Variants in ASB18 observed in about 807,000 individuals in gnomAD.
The protein encoded by ASB18 is ankyrin repeat and SOCS box containing 18, also known as ankyrin repeat and SOCS box protein 18.
A neutral mutation model predicts 33.4 loss-of-function variants in ASB18; 33 were observed. The ratio of observed to expected loss-of-function variants is 0.99; its 90% CI spans 0.75 to 1.32. ASB18 has a LOEUF of 1.32. Among genes scored for constraint, ASB18 ranks in the 40% most tolerant of loss-of-function variants. The probability of loss-of-function intolerance (pLI) is 0.00; values close to 1 mark genes in which losing one functional copy is unlikely to be tolerated. For synonymous variants in ASB18, 295 were observed against 307.6 expected (o/e 0.96, Z 0.43); for missense variants, 694 against 655.5 (o/e 1.06, Z -0.64).
chr2:236,217,424 A>AAATAAATAAAT lies in ASB18; in HGVS notation c.597-2559_597-2558insATTTATTTATT, dbSNP rs1553600513. ...CGAGACTCTGTCTCAAAAAAAAAAA[A>AAATAAATAAAT]AAATAAATCTTGGCACCTTCAACTC... On this transcript the variant is annotated intron_variant, in intron 3 of 5. Coordinates refer to ENST00000409749, the MANE Select transcript of ASB18 (RefSeq NM_212556.4). The surrounding 1 kb of genome is among the most constrained non-coding windows in gnomAD (Gnocchi z 5.2). Among the ~76,000 whole-genome samples, 1 of 150,306 alleles carries AAATAAATAAAT rather than the reference A, an allele frequency of 6.7e-6. No homozygotes were observed. Among genetic ancestry groups the AAATAAATAAAT allele is most frequent in the African/African-American group, 2.5e-5 (1 of 40,404 alleles).
chr2:236,232,722 T>C (rs2060571984), intron 3 of ASB18, among the ~76,000 whole-genome samples: 1 of 151,876 alleles, frequency 6.6e-6, no homozygotes, highest in South Asian at 2.1e-4. Flanking sequence ...TATTAAAGCA[T>C]TAAAGCTCAC....
intron 4 of ASB18, among the ~76,000 whole-genome samples, chr2:236,207,343 T>A (rs1268879497): frequency 1.3e-5 from 2 of 152,258 alleles, no homozygotes; most frequent in Non-Finnish European, 2.9e-5. Flanking sequence ...CCTTTTCATG[T>A]CATTCTATTG....
At position 236,195,661 on chromosome 2, in the gene ASB18, G is replaced by A. The variant is rs1420239867; in HGVS notation, c.1216-604C>T. On this transcript the variant is annotated intron_variant, in intron 5 of 5. Transcript: ENST00000409749. The surrounding 1 kb of genome is among the most constrained non-coding windows in gnomAD (Gnocchi z 5.5). Reference sequence around the variant, plus strand: ...CTCCTGAGTAACTGGCATTACAGGCGCTTGCCACCATGCTTGGGTAATTTC... The same window carrying A: ...CTCCTGAGTAACTGGCATTACAGGCACTTGCCACCATGCTTGGGTAATTTC... 2.0e-5 allele frequency among the ~76,000 whole-genome samples: 3 copies of A among 152,046 alleles called. No homozygotes were observed. The highest frequency in any genetic ancestry group is 7.2e-5 in the African/African-American group (3 of 41,386).
chr2:236,247,980 G>A (rs1189662921), intron 1 of ASB18: 4 of 152,166 alleles, frequency 2.6e-5, no homozygotes, highest in African/African-American at 4.8e-5. Context: ...CTAGGAACAC[G>A]TCAGGGTGGA....
In ASB18 at chr2:236,262,471, C is replaced by A. The variant is rs185219267; in HGVS notation, c.205+1670G>T. On this transcript the variant is annotated intron_variant, in intron 1 of 5. Coordinates refer to ENST00000409749, the MANE Select transcript of ASB18 (RefSeq NM_212556.4). This position sits in a 1 kb window ranked among gnomAD's most constrained non-coding sequence, Gnocchi z 5.2. Reference sequence around the variant, plus strand: ...AGAAGGAGGCTGCTAAACCCAGCAGCGATCTGGCAGGGAGGGCCGGGGAAG... The same window carrying A: ...AGAAGGAGGCTGCTAAACCCAGCAGAGATCTGGCAGGGAGGGCCGGGGAAG... Among the ~76,000 whole-genome samples the A allele has an allele frequency of 1.3e-5, 2 of 152,188 alleles. No individual in the cohort carries two copies. Among genetic ancestry groups the A allele is most frequent in the Non-Finnish European group, 2.9e-5 (2 of 68,038 alleles).
At position 236,241,268 on chromosome 2, in the gene ASB18, G is replaced by A; in HGVS notation, c.328+12C>T. 6.2e-7 allele frequency: 1 copy of A among 1,613,460 alleles called. No individual in the cohort carries two copies. Among genetic ancestry groups the A allele is most frequent in the Admixed American group, 1.7e-5 (1 of 60,008 alleles). ...TAAAAATAAATGACTGAGCTTTAAAGAACAAGGGTACCTGATAGTCCAAAC... is the reference window on the plus strand; with the variant it reads ...TAAAAATAAATGACTGAGCTTTAAAAAACAAGGGTACCTGATAGTCCAAAC... On this transcript the variant is annotated intron_variant, in intron 2 of 5. Transcript: ENST00000409749. The surrounding 1 kb of genome is among the most constrained non-coding windows in gnomAD (Gnocchi z 4.2).
chr2:236,261,396 CTCCTTCAAA>C (rs1173637067), intron 1 of ASB18, among the ~76,000 whole-genome samples: 1 of 152,184 alleles, frequency 6.6e-6, no homozygotes, highest in African/African-American at 2.4e-5. Context: ...CTTTCTCTGC[CTCCTTCAAA>C]TCCTAGTTTC....
chr2:236,255,093 T>A lies in ASB18; in HGVS notation c.205+9048A>T, dbSNP rs530294987. On this transcript the variant is annotated intron_variant, in intron 1 of 5. Transcript: ENST00000409749. The surrounding 1 kb of genome is among the most constrained non-coding windows in gnomAD (Gnocchi z 4.4). ...GAAGCCGAAGCCGCTACGCTTCCTG[T>A]ACAGCCTGCAGAACCGTGAGCCAAT... Among the ~76,000 whole-genome samples, 3 of 152,336 alleles carry A rather than the reference T, an allele frequency of 2.0e-5. No homozygotes were observed. In the South Asian group the frequency reaches 6.2e-4, roughly 32 times the overall value.
chr2:236,241,556 ACGGGAAAGATGGT>A lies in ASB18; in HGVS notation c.206-167_206-155del. 1.2e-6 allele frequency: 1 copy of A among 851,210 alleles called. No individual in the cohort carries two copies. The allele number at this position is 851,210 out of a possible 1,614,324, so 52.7% of individuals were successfully genotyped here. On this transcript the variant is annotated intron_variant, in intron 1 of 5. Coordinates refer to ENST00000409749, the MANE Select transcript of ASB18 (RefSeq NM_212556.4). The surrounding 1 kb of genome is among the most constrained non-coding windows in gnomAD (Gnocchi z 4.2). ...TCGATTTCAGAAGAGTTCTTCAGGA[ACGGGAAAGATGGT>A]CTTATGGAGTGTGAGCTATTTCTAT...
Position 236,264,150 on chromosome 2 carries a change from T to C in ASB18, c.196A>G (p.Met66Val). 6.2e-7 allele frequency: 1 copy of C among 1,613,828 alleles called. No individual in the cohort carries two copies. Residue 66 changes from methionine to valine, a missense_variant, in exon 1 of 6, where the codon ATG becomes GTG. Coordinates refer to ENST00000409749, the MANE Select transcript of ASB18 (RefSeq NM_212556.4). The surrounding 1 kb of genome is among the most constrained non-coding windows in gnomAD (Gnocchi z 5.1). ...KDPSAQLPTG[M>V]LLGDLDHLKP... Reference sequence around the variant, plus strand: ...GGCTCGTTCTGGTTACCTAGCAGCATGCCGGTGGGCAGCTGAGCCGAGGGG... The same window carrying C: ...GGCTCGTTCTGGTTACCTAGCAGCACGCCGGTGGGCAGCTGAGCCGAGGGG...
intron 2 of ASB18, among the ~76,000 whole-genome samples, chr2:236,240,806 G>T (rs2060617957): frequency 6.6e-6 from 1 of 152,218 alleles, no homozygotes; most frequent in Non-Finnish European, 1.5e-5. Context: ...CCAGGAGGAG[G>T]ATCTACAGAG....
chr2:236,204,567 C>T lies in ASB18; in HGVS notation c.1102-8182G>A, dbSNP rs1201350366. Among the ~76,000 whole-genome samples, 1 of 152,220 alleles carries T rather than the reference C, an allele frequency of 6.6e-6. No homozygotes were observed. The highest frequency in any genetic ancestry group is 1.5e-5 in the Non-Finnish European group (1 of 68,040). ...TATCTCCAGGTTGGCCAAATCTCTC[C>T]CTCTCAAACTTTGGGCTTCGATATC... is the stretch of plus-strand genomic sequence containing the variant. On this transcript the variant is annotated intron_variant, in intron 4 of 5. Coordinates refer to ENST00000409749, the MANE Select transcript of ASB18 (RefSeq NM_212556.4). This position sits in a 1 kb window ranked among gnomAD's most constrained non-coding sequence, Gnocchi z 5.1.
rs566280156 is a variant in ASB18, at chr2:236,215,414, G to A, written c.597-548C>T. Among the ~76,000 whole-genome samples, 2 of 152,136 alleles carry A rather than the reference G, an allele frequency of 1.3e-5. No homozygotes were observed. Among genetic ancestry groups the A allele is most frequent in the South Asian group, 4.1e-4 (2 of 4,826 alleles). On this transcript the variant is annotated intron_variant, in intron 3 of 5. Coordinates refer to ENST00000409749, the MANE Select transcript of ASB18 (RefSeq NM_212556.4). The surrounding 1 kb of genome is among the most constrained non-coding windows in gnomAD (Gnocchi z 7.2). ...GCTGGCACCACCCTGTCCTCTGACAGTCCGGGGAGCATTAGGTGGGAAGCA... is the reference window on the plus strand; with the variant it reads ...GCTGGCACCACCCTGTCCTCTGACAATCCGGGGAGCATTAGGTGGGAAGCA...
Position 236,208,233 on chromosome 2 carries a change from G to T in ASB18, c.1101+6129C>A, listed in dbSNP as rs558828215. On this transcript the variant is annotated intron_variant, in intron 4 of 5. Coordinates refer to ENST00000409749, the MANE Select transcript of ASB18 (RefSeq NM_212556.4). This position sits in a 1 kb window ranked among gnomAD's most constrained non-coding sequence, Gnocchi z 7.7. ...CTGGCAGGAGGCCTGGGGCCAGCACGGTCTTCCCAGCCCATCTCGCCAGCC... is the reference window on the plus strand; with the variant it reads ...CTGGCAGGAGGCCTGGGGCCAGCACTGTCTTCCCAGCCCATCTCGCCAGCC... 4.8e-4 allele frequency among the ~76,000 whole-genome samples: 73 copies of T among 152,050 alleles called. No homozygotes were observed. The highest frequency in any genetic ancestry group is 9.6e-4 in the Non-Finnish European group (65 of 68,008).
chr2:236,196,281 T>G lies in ASB18; in HGVS notation c.1206A>C (p.Glu402Asp). 6.5e-7 allele frequency: 1 copy of G among 1,547,136 alleles called. No homozygotes were observed. Among genetic ancestry groups the G allele is most frequent in the African/African-American group, 1.4e-5 (1 of 73,102 alleles). The change falls in exon 5 of 6, where the codon GAA (glutamate) becomes GAC (aspartate). Residue 402 changes from glutamate (E) to aspartate (D), a missense_variant. By Grantham distance (45) the Glu-to-Asp change is conservative. Transcript: ENST00000409749. The surrounding 1 kb of genome is among the most constrained non-coding windows in gnomAD (Gnocchi z 5.6). ...SESWKEVIPE[E>D]VFQMHKPFYQ... Reference sequence around the variant, plus strand: ...AAGGCAGCCCTCTTGCCTGGAATACTTCCTCAGGAATCACTTCCTTCCAGG... The same window carrying G: ...AAGGCAGCCCTCTTGCCTGGAATACGTCCTCAGGAATCACTTCCTTCCAGG...
rs2060466770 is a variant in ASB18 at position 236,213,175 on chromosome 2, G to T, written c.1101+1187C>A. ...CCACTATATTGAAATCATTGCCTTA[G>T]TGGAGCACCACAAGACAATTACCCA... On this transcript the variant is annotated intron_variant, in intron 4 of 5. Coordinates refer to ENST00000409749, the MANE Select transcript of ASB18 (RefSeq NM_212556.4). The surrounding 1 kb of genome is among the most constrained non-coding windows in gnomAD (Gnocchi z 4.8). Among the ~76,000 whole-genome samples the T allele has an allele frequency of 6.8e-6, 1 of 147,896 alleles. No individual in the cohort carries two copies. The highest frequency in any genetic ancestry group is 2.3e-4 in the South Asian group (1 of 4,422).
chr2:236,204,120 G>A lies in ASB18; in HGVS notation c.1102-7735C>T, dbSNP rs1402817597. 2.0e-5 allele frequency among the ~76,000 whole-genome samples: 3 copies of A among 152,088 alleles called. No homozygotes were observed. The highest frequency in any genetic ancestry group is 1.3e-4 in the Admixed American group (2 of 15,270). Reference sequence around the variant, plus strand: ...GGATTTCCCCCTTCCTGAGCTCTTCGTTAGTGTTATCTCTTTGTCAGCTGG... The same window carrying A: ...GGATTTCCCCCTTCCTGAGCTCTTCATTAGTGTTATCTCTTTGTCAGCTGG... On this transcript the variant is annotated intron_variant, in intron 4 of 5. Transcript: ENST00000409749. The surrounding 1 kb of genome is among the most constrained non-coding windows in gnomAD (Gnocchi z 5.1).
At chr2:236,230,632 C>T (rs1054550837) in intron 3 of ASB18, among the ~76,000 whole-genome samples, 7 of 151,020 alleles carry the variant, frequency 4.6e-5, no homozygotes, top group African/African-American at 1.7e-4. Flanking sequence ...TTATACTACA[C>T]ATGAAGTAGA....
chr2:236,196,279 ACTTCCTCAGGAATCACTTC>A lies in ASB18; in HGVS notation c.1189_1207del (p.Glu397TyrfsTer141). On this transcript the variant is annotated frameshift_variant, in exon 5 of 6. Transcript: ENST00000409749. LOFTEE classifies it low-confidence loss of function (END_TRUNC). The surrounding 1 kb of genome is among the most constrained non-coding windows in gnomAD (Gnocchi z 5.6). ...GAAAGGCAGCCCTCTTGCCTGGAAT[ACTTCCTCAGGAATCACTTC>A]CTTCCAGGACTCTGACAAGCAGAGC... is the stretch of plus-strand genomic sequence containing the variant. 6.5e-7 allele frequency: 1 copy of A among 1,543,754 alleles called. No homozygotes were observed. Among genetic ancestry groups the A allele is most frequent in the Non-Finnish European group, 8.8e-7 (1 of 1,138,316 alleles).
Sources: allele counts gnomAD v4.1 joint callset (sites outside exome capture counted in the v4.1 genomes callset), GRCh38; gene constraint gnomAD v4.1.1; non-coding constraint Gnocchi (gnomAD v3.1); transcripts MANE v1.5; gene names NCBI Gene and HGNC (gene_info 2026-07-23, HGNC 2026-07-21).